Variants in RBFOX1 observed in about 807,000 individuals in gnomAD.
RBFOX1 encodes RNA binding fox-1 homolog 1.
RBFOX1 carries 8 observed loss-of-function variants against 57.7 expected under a neutral mutation model. The observed-to-expected ratio is 0.14, with a 90% CI of 0.08 to 0.25. The LOEUF is 0.25. Ranked by LOEUF, RBFOX1 falls within the 10% of genes least tolerant of loss-of-function variation. The pLI is 1.00. For synonymous variants in RBFOX1, 326 were observed against 222.4 expected, an observed-to-expected ratio of 1.47 and a Z score of -4.15; for missense variants, 611 against 548.5, an observed-to-expected ratio of 1.11 and a Z score of -1.14.
At chr16:5,802,955 C>A (rs1010845) in intron 3 of RBFOX1, among the ~76,000 whole-genome samples, 10 of 151,966 alleles carry the variant, frequency 6.6e-5, no homozygotes, top group Non-Finnish European at 1.5e-4. Flanking sequence ...TTGAACTTTA[C>A]CAGGATGTAT....
chr16:7,576,596 G>A (rs1254958851), intron 5 of RBFOX1, among the ~76,000 whole-genome samples: 2 of 152,114 alleles, frequency 1.3e-5, no homozygotes, highest in South Asian at 2.1e-4. Context: ...ATGATTAATT[G>A]AGCGTTGTAT....
chr16:5,675,121 C>T (rs1391269803), intron 3 of RBFOX1, among the ~76,000 whole-genome samples: 2 of 151,988 alleles, frequency 1.3e-5, no homozygotes, highest in African/African-American at 2.4e-5. Context: ...ACTCTCCAGC[C>T]TGGGCAAAAG....
intron 3 of RBFOX1, among the ~76,000 whole-genome samples, chr16:5,850,085 G>C (rs2056854828): frequency 6.6e-6 from 1 of 152,160 alleles, no homozygotes; most frequent in Non-Finnish European, 1.5e-5. Context: ...TGTTTACTCT[G>C]AACCCAGGCT....
At chr16:7,553,754 G>A (rs1014685906) in intron 5 of RBFOX1, among the ~76,000 whole-genome samples, 2 of 152,040 alleles carry the variant, frequency 1.3e-5, no homozygotes, top group African/African-American at 2.4e-5. Context: ...CATATGTTAG[G>A]GTAATCACAA....
chr16:6,134,989 T>TC (rs2096656337), intron 1 of RBFOX1, among the ~76,000 whole-genome samples: 3 of 152,118 alleles, frequency 2.0e-5, no homozygotes, highest in Non-Finnish European at 4.4e-5. Flanking sequence ...CTGCTGTCCG[T>TC]CCCCCCTCCC....
At chr16:7,113,126 G>C (rs1043770645) in intron 4 of RBFOX1, among the ~76,000 whole-genome samples, 1 of 152,122 alleles carries the variant, frequency 6.6e-6, no homozygotes, top group Non-Finnish European at 1.5e-5. Flanking sequence ...TCAAGTTTGA[G>C]ATCTCTGCAG....
intron 10 of RBFOX1, among the ~76,000 whole-genome samples, chr16:7,611,326 C>T (rs912183422): frequency 1.3e-5 from 2 of 152,086 alleles, no homozygotes; most frequent in African/African-American, 2.4e-5. Flanking sequence ...TGGCTCACGC[C>T]TTTAATCCCA....
rs934029054 is a variant in RBFOX1, at chr16:7,504,229, G to C, written c.28-13918G>C. 2.0e-5 allele frequency among the ~76,000 whole-genome samples: 3 copies of C among 151,860 alleles called. No individual in the cohort carries two copies. The South Asian group carries it at 6.3e-4, about 32-fold the overall frequency. On this transcript the variant is annotated intron_variant, in intron 4 of 15. Coordinates refer to ENST00000550418, the MANE Select transcript of RBFOX1 (RefSeq NM_018723.4). ...AGATAAAGTCGGTGCCCGTATCATC[G>C]GGCTGTGGGTTGCATTGATGGAAGT...
intron 1 of RBFOX1, among the ~76,000 whole-genome samples, chr16:6,216,597 C>A (rs957236857): frequency 6.6e-6 from 1 of 152,196 alleles, no homozygotes; most frequent in Non-Finnish European, 1.5e-5. Context: ...AAGTATCCAA[C>A]AAACTCAAAT....
chr16:6,924,529 G>T (rs2075160940), intron 3 of RBFOX1, among the ~76,000 whole-genome samples: 1 of 152,004 alleles, frequency 6.6e-6, no homozygotes, highest in Non-Finnish European at 1.5e-5. Flanking sequence ...CTCCAACATT[G>T]GGGATCACAT....
chr16:6,297,058 G>C (rs2078201833), intron 1 of RBFOX1, among the ~76,000 whole-genome samples: 1 of 152,204 alleles, frequency 6.6e-6, no homozygotes, highest in Admixed American at 6.5e-5. Flanking sequence ...AGACCACAGA[G>C]GGTAACTTCC....
At chr16:5,520,861 T>G (rs1307440574) in intron 2 of RBFOX1, among the ~76,000 whole-genome samples, 1 of 152,190 alleles carries the variant, frequency 6.6e-6, no homozygotes, top group African/African-American at 2.4e-5. Context: ...TGATCAAGTT[T>G]CCCTCTTTGG....
At chr16:5,481,738 T>G (rs1418906846) in intron 2 of RBFOX1, among the ~76,000 whole-genome samples, 1 of 152,200 alleles carries the variant, frequency 6.6e-6, no homozygotes. Context: ...TCTGCCATCA[T>G]TCTGGAGGCT....
At chr16:5,862,691 A>G (rs748925231) in intron 3 of RBFOX1, among the ~76,000 whole-genome samples, 10 of 152,158 alleles carry the variant, frequency 6.6e-5, no homozygotes, top group Non-Finnish European at 1.3e-4. Flanking sequence ...ATCCATTTAA[A>G]GTGAGCTCTA....
intron 1 of RBFOX1, among the ~76,000 whole-genome samples, chr16:6,027,560 A>G (rs532108094): frequency 1.3e-5 from 2 of 152,172 alleles, no homozygotes; most frequent in Non-Finnish European, 2.9e-5. Flanking sequence ...TTATCACTAC[A>G]TTGTACAGTC....
intron 3 of RBFOX1, among the ~76,000 whole-genome samples, chr16:5,758,664 G>C (rs982494499): frequency 1.3e-5 from 2 of 152,154 alleles, no homozygotes; most frequent in South Asian, 2.1e-4. Context: ...GCACAGTTCT[G>C]GTGATCACTA....
intron 4 of RBFOX1, among the ~76,000 whole-genome samples, chr16:7,444,770 G>C (rs2098795713): frequency 6.6e-6 from 1 of 152,102 alleles, no homozygotes; most frequent in African/African-American, 2.4e-5. Context: ...GGGCTCAAGT[G>C]ATCCTCCCAC....
At chr16:6,341,783 T>C (rs1359814680) in intron 2 of RBFOX1, among the ~76,000 whole-genome samples, 1 of 152,182 alleles carries the variant, frequency 6.6e-6, no homozygotes, top group Non-Finnish European at 1.5e-5. Context: ...AAACTTGCTT[T>C]TGGTTTGCAT....
intron 1 of RBFOX1, among the ~76,000 whole-genome samples, chr16:5,250,696 A>T (rs1183980449): frequency 2.2e-5 from 3 of 133,578 alleles, no homozygotes; most frequent in Non-Finnish European, 5.0e-5. Flanking sequence ...CTCACGTTGG[A>T]ACCTGGGTAT....
Sources: gnomAD v4.1 joint callset for allele counts (sites outside exome capture counted in the v4.1 genomes callset) on GRCh38, gnomAD v4.1.1 for gene constraint, MANE v1.5 for transcripts, NCBI Gene and HGNC (gene_info 2026-07-23, HGNC 2026-07-21) for gene names.